Variants in PVT1 observed in about 807,000 individuals in gnomAD.
PVT1 encodes Pvt1 oncogene, also known as CXCR4/PVT1 fusion.
At chr8:128,008,978 A>G (rs370500199) in intron 4 of PVT1, 15 of 512,940 alleles carry the variant, frequency 2.9e-5, no homozygotes, top group Non-Finnish European at 5.7e-5. Context: ...TCGCCACACA[A>G]TTGCAGCCAC....
intron 4 of PVT1, among the ~76,000 whole-genome samples, chr8:128,069,881 TATC>T (rs1813962780): frequency 6.6e-6 from 1 of 152,160 alleles, no homozygotes; most frequent in Admixed American, 6.5e-5. Context: ...TTGTCATTAT[TATC>T]ATCATCATTG....
chr8:127,867,719 G>T (rs1040501261), intron 2 of PVT1, among the ~76,000 whole-genome samples: 2 of 152,176 alleles, frequency 1.3e-5, no homozygotes, highest in Non-Finnish European at 2.9e-5. Context: ...AGACATGGTG[G>T]CGGGTGGGGT....
chr8:127,915,612 CAAAAAA>C (rs61238663), intron 3 of PVT1, among the ~76,000 whole-genome samples: 2 of 64,506 alleles, frequency 3.1e-5, no homozygotes, highest in African/African-American at 1.1e-4. Context: ...AACTCCATCT[CAAAAAA>C]AAAAAAAAAA....
At chr8:128,085,012 C>G (rs1416685311) in intron 5 of PVT1, among the ~76,000 whole-genome samples, 1 of 152,176 alleles carries the variant, frequency 6.6e-6, no homozygotes, top group East Asian at 1.9e-4. Context: ...ACAAAATGAC[C>G]TTGTTCCTTG....
At chr8:127,974,468 G>C (rs1213241806) in intron 3 of PVT1, among the ~76,000 whole-genome samples, 1 of 151,998 alleles carries the variant, frequency 6.6e-6, no homozygotes, top group African/African-American at 2.4e-5. Context: ...AGGCTGGAGG[G>C]CAGTGGCACA....
intron 4 of PVT1, among the ~76,000 whole-genome samples, chr8:128,008,283 G>A (rs1817271475): frequency 6.6e-6 from 1 of 152,186 alleles, no homozygotes; most frequent in South Asian, 2.1e-4. Context: ...CAGGGCAGAT[G>A]CTCCTTAATT....
chr8:128,004,089 G>A (rs1364119225), intron 4 of PVT1, among the ~76,000 whole-genome samples: 2 of 152,140 alleles, frequency 1.3e-5, no homozygotes, highest in Non-Finnish European at 2.9e-5. Flanking sequence ...TTAGGACCTC[G>A]TTTAACCTTA....
intron 2 of PVT1, among the ~76,000 whole-genome samples, chr8:127,816,148 A>G (rs1359042986): frequency 6.6e-6 from 1 of 151,976 alleles, no homozygotes; most frequent in Non-Finnish European, 1.5e-5. Context: ...TATAGATGTC[A>G]CCTACAGGCC....
intron 3 of PVT1, among the ~76,000 whole-genome samples, chr8:127,937,580 C>CACAGAGAGAGAG (rs59006608): frequency 2.4e-4 from 26 of 107,864 alleles, no homozygotes; most frequent in African/African-American, 9.6e-4. Flanking sequence ...CACACACACA[C>CACAGAGAGAGAG]AGAGAGAGAG....
At chr8:128,049,031 T>A (rs1216857207) in intron 4 of PVT1, 1 of 424,276 alleles carries the variant, frequency 2.4e-6, no homozygotes, top group Admixed American at 3.0e-5. Context: ...TGTTTAAGCT[T>A]GATAGAGATT....
rs1813724798 is a variant in PVT1, at chr8:128,053,523, G to C, written n.913-16637G>C. Among the ~76,000 whole-genome samples, 3 of 151,880 alleles carry C rather than the reference G, an allele frequency of 2.0e-5. No individual in the cohort carries two copies. The South Asian group carries it at 6.2e-4, about 31-fold the overall frequency. On this transcript the variant is annotated intron_variant and non_coding_transcript_variant, in intron 4 of 10. Transcript: ENST00000651587. ...TTTAGCTTTTTCATCCATGAGATGA[G>C]AATTTGATGTAGTCCTGCCTGATGT...
chr8:127,849,742 A>C (rs113577439), intron 2 of PVT1, among the ~76,000 whole-genome samples: 7 of 120,920 alleles, frequency 5.8e-5, no homozygotes, highest in African/African-American at 2.6e-4. Flanking sequence ...CAGCCTGTAC[A>C]TATGTGTGTG....
At chr8:127,866,950 G>T (rs1815292202) in intron 2 of PVT1, among the ~76,000 whole-genome samples, 1 of 152,208 alleles carries the variant, frequency 6.6e-6, no homozygotes, top group Admixed American at 6.5e-5. Flanking sequence ...TGCTATGTGT[G>T]TTTGTGTGTA....
intron 2 of PVT1, among the ~76,000 whole-genome samples, chr8:127,844,358 G>A (rs535444374): frequency 4.2e-4 from 64 of 152,288 alleles, no homozygotes; most frequent in African/African-American, 1.4e-3. Context: ...GCAGAGCCAA[G>A]ACCACCTTTA....
At chr8:127,879,782 T>A (rs1356852477) in intron 2 of PVT1, among the ~76,000 whole-genome samples, 1 of 152,224 alleles carries the variant, frequency 6.6e-6, no homozygotes, top group Admixed American at 6.5e-5. Flanking sequence ...TCTTCTGGGC[T>A]TCTGGTCATG....
At chr8:127,802,544 G>T (rs1200923184) in intron 2 of PVT1, among the ~76,000 whole-genome samples, 2 of 151,938 alleles carry the variant, frequency 1.3e-5, no homozygotes, top group Non-Finnish European at 2.9e-5. Flanking sequence ...ATTCTTTGAT[G>T]TTAATTACAT....
chr8:127,822,201 T>C (rs148363930), intron 2 of PVT1, among the ~76,000 whole-genome samples: 2 of 152,372 alleles, frequency 1.3e-5, no homozygotes, highest in East Asian at 1.9e-4. Flanking sequence ...GTTGTTACTT[T>C]AGTGGTTGTT....
chr8:128,043,717 G>A (rs1441369085), intron 4 of PVT1, among the ~76,000 whole-genome samples: 1 of 151,098 alleles, frequency 6.6e-6, no homozygotes, highest in Admixed American at 6.6e-5. Context: ...GTATGTGTGT[G>A]TACACATACA....
chr8:127,954,630 G>T (rs13255163), intron 3 of PVT1, among the ~76,000 whole-genome samples: 1 of 152,096 alleles, frequency 6.6e-6, no homozygotes, highest in African/African-American at 2.4e-5. Context: ...GTGGTTCAGC[G>T]CCCCCAGTGC....
Sources: gnomAD v4.1 joint callset for allele counts (sites outside exome capture counted in the v4.1 genomes callset) on GRCh38, gnomAD v4.1.1 for gene constraint, MANE v1.5 for transcripts, NCBI Gene and HGNC (gene_info 2026-07-23, HGNC 2026-07-21) for gene names.